Variants in GFRAL observed in about 807,000 individuals in gnomAD.
GFRAL encodes the protein GDNF family receptor alpha-like.
Under a neutral mutation model 45.4 loss-of-function variants are expected in GFRAL, and 36 were observed. The observed-to-expected ratio is 0.79, with a 90% confidence interval of 0.61 to 1.05. GFRAL has a LOEUF of 1.05. Among genes scored for constraint, GFRAL ranks in the 50% least tolerant of loss-of-function variants. The pLI is 0.00. For missense variants in GFRAL, 507 were observed against 467.5 expected (o/e 1.08, Z -0.78); for synonymous variants, 166 against 154.1 (o/e 1.08, Z -0.57).
chr6:55,374,305 G>T (rs1435861977), intron 6 of GFRAL, among the ~76,000 whole-genome samples: 1 of 152,016 alleles, frequency 6.6e-6, no homozygotes, highest in Non-Finnish European at 1.5e-5. Flanking sequence ...TCTGCTTCTA[G>T]ATCCTTGAGG....
At chr6:55,343,717 C>CA (rs1376894042) in intron 3 of GFRAL, among the ~76,000 whole-genome samples, 2 of 151,920 alleles carry the variant, frequency 1.3e-5, no homozygotes, top group Non-Finnish European at 2.9e-5. Flanking sequence ...AAAAACCCTT[C>CA]AAAAAATCAA....
intron 6 of GFRAL, among the ~76,000 whole-genome samples, chr6:55,366,319 A>G (rs1370036633): frequency 6.6e-6 from 1 of 151,198 alleles, no homozygotes; most frequent in African/African-American, 2.4e-5. Context: ...CATCTATTTG[A>G]TTCTGCTCTT....
At chr6:55,393,410 C>G (rs181920645) in intron 6 of GFRAL, among the ~76,000 whole-genome samples, 2 of 152,252 alleles carry the variant, frequency 1.3e-5, no homozygotes, top group Non-Finnish European at 2.9e-5. Flanking sequence ...TCTAAAAACT[C>G]TGCCTCTTCT....
chr6:55,397,241 G>A (rs1162290129), intron 6 of GFRAL, among the ~76,000 whole-genome samples: 2 of 139,320 alleles, frequency 1.4e-5, no homozygotes, highest in African/African-American at 2.8e-5. Flanking sequence ...AATGCCGGCC[G>A]GGCGCGGTGG....
intron 6 of GFRAL, among the ~76,000 whole-genome samples, chr6:55,368,852 A>C (rs1416936635): frequency 6.6e-6 from 1 of 152,184 alleles, no homozygotes; most frequent in Non-Finnish European, 1.5e-5. Flanking sequence ...CAAAGCTGTC[A>C]GACAGGGACA....
At chr6:55,371,307 T>G (rs1027313251) in intron 6 of GFRAL, among the ~76,000 whole-genome samples, 2 of 152,226 alleles carry the variant, frequency 1.3e-5, no homozygotes, top group East Asian at 3.8e-4. Context: ...AATTCATGTG[T>G]AGCAAAGTTG....
intron 3 of GFRAL, among the ~76,000 whole-genome samples, chr6:55,335,487 C>T (rs896210609): frequency 6.6e-6 from 1 of 151,986 alleles, no homozygotes; most frequent in African/African-American, 2.4e-5. Context: ...TTTCATAGAT[C>T]ATACTTTTGA....
chr6:55,368,562 T>C (rs1169852948), intron 6 of GFRAL, among the ~76,000 whole-genome samples: 2 of 151,972 alleles, frequency 1.3e-5, no homozygotes, highest in African/African-American at 2.4e-5. Context: ...TTTTTCCCCA[T>C]CTTTGTGGTT....
At position 55,327,621 on chromosome 6, in the gene GFRAL, T is replaced by C. The variant is rs143436779; in HGVS notation, c.22+45T>C. ...GGTTTATCTGAATTATTCATAATAC[T>C]AATTCTTTGTAAACTGAATACCATC... On this transcript the variant is annotated intron_variant, in intron 1 of 8. Coordinates refer to ENST00000340465, the MANE Select transcript of GFRAL (RefSeq NM_207410.2). 44 of 1,554,728 alleles carry C rather than the reference T, an allele frequency of 2.8e-5. No homozygotes were observed. In the African/African-American group the frequency reaches 4.7e-4, roughly 17 times the overall value.
chr6:55,340,603 A>C (rs1307369637), intron 3 of GFRAL, among the ~76,000 whole-genome samples: 4 of 152,194 alleles, frequency 2.6e-5, no homozygotes, highest in Non-Finnish European at 5.9e-5. Context: ...TGAGTGATGC[A>C]GAAGACGAGT....
intron 6 of GFRAL, among the ~76,000 whole-genome samples, chr6:55,396,987 T>G (rs981443775): frequency 6.7e-6 from 1 of 149,376 alleles, no homozygotes; most frequent in African/African-American, 2.5e-5. Flanking sequence ...CAAGTGATCC[T>G]CACACCTCAG....
At chr6:55,346,337 T>C (rs904783873) in intron 3 of GFRAL, among the ~76,000 whole-genome samples, 3 of 152,168 alleles carry the variant, frequency 2.0e-5, no homozygotes, top group African/African-American at 7.2e-5. Flanking sequence ...GTGGCACATA[T>C]ACACCATGAA....
At chr6:55,330,030 A>AT (rs1284281051) in intron 1 of GFRAL, among the ~76,000 whole-genome samples, 2 of 151,992 alleles carry the variant, frequency 1.3e-5, no homozygotes, top group African/African-American at 2.4e-5. Context: ...CAATCCCTGT[A>AT]TTTTTTTCTA....
intron 5 of GFRAL, among the ~76,000 whole-genome samples, chr6:55,357,922 A>T (rs1237078501): frequency 6.6e-6 from 1 of 151,862 alleles, no homozygotes; most frequent in East Asian, 1.9e-4. Context: ...CATTTAGAAG[A>T]TATCTTATAT....
At chr6:55,401,042 T>C (rs1435640067) in intron 8 of GFRAL, among the ~76,000 whole-genome samples, 1 of 152,178 alleles carries the variant, frequency 6.6e-6, no homozygotes, top group East Asian at 1.9e-4. Flanking sequence ...TAATTCCCTA[T>C]GTATTTGCTG....
chr6:55,328,812 C>A (rs1581895744), intron 1 of GFRAL, among the ~76,000 whole-genome samples: 2 of 152,070 alleles, frequency 1.3e-5, no homozygotes, highest in East Asian at 3.9e-4. Context: ...AACTTCTTAA[C>A]ATTGTTAGAA....
intron 8 of GFRAL, among the ~76,000 whole-genome samples, chr6:55,400,166 C>T (rs6918921): frequency 0.68 from 103,307 of 151,840 alleles, 35,572 homozygotes; most frequent in East Asian, 0.78. Context: ...AAAAAACTCA[C>T]ATTTAAACAT....
intron 5 of GFRAL, among the ~76,000 whole-genome samples, chr6:55,357,599 C>T (rs749565829): frequency 1.9e-4 from 29 of 151,430 alleles, no homozygotes; most frequent in Non-Finnish European, 3.2e-4. Flanking sequence ...ATCATTGGCT[C>T]GTTTTATTTT....
intron 5 of GFRAL, among the ~76,000 whole-genome samples, chr6:55,357,427 T>C (rs866288891): frequency 9.4e-6 from 1 of 106,896 alleles, no homozygotes; most frequent in South Asian, 2.8e-4. Context: ...ACCTTCTTTA[T>C]CTTTTTATAG....
Sources: allele counts gnomAD v4.1 joint callset (sites outside exome capture counted in the v4.1 genomes callset), GRCh38; gene constraint gnomAD v4.1.1; transcripts MANE v1.5; gene names NCBI Gene and HGNC (gene_info 2026-07-23, HGNC 2026-07-21).